The following SSH1 variants were observed in gnomAD, a reference collection of about 807,000 sequenced individuals.
The protein encoded by SSH1 is slingshot protein phosphatase 1.
In SSH1, 43 loss-of-function variants were observed where a neutral mutation model predicts 79.7. The observed-to-expected ratio is 0.54, with a 90% confidence interval of 0.42 to 0.70. The LOEUF is 0.70. SSH1 is among the 30% of genes least tolerant of loss of function. The pLI, the probability that SSH1 is intolerant of heterozygous loss-of-function variation, is 0.00. For synonymous variants in SSH1, 599 were observed against 538.3 expected (o/e 1.11, Z -1.56); for missense variants, 1,206 against 1,358.8 (o/e 0.89, Z 1.77).
At chr12:108,792,050 A>C in intron 14 of SSH1, 1 of 1,442,990 alleles carries the variant, frequency 6.9e-7, no homozygotes, top group East Asian at 2.5e-5. Flanking sequence ...TATTCCCAAC[A>C]GATTCTCAAT....
chr12:108,807,918 G>A lies in SSH1; in HGVS notation c.537-91C>T. On this transcript the variant is annotated intron_variant, in intron 7 of 14. Coordinates refer to ENST00000326495, the MANE Select transcript of SSH1 (RefSeq NM_018984.4). The surrounding 1 kb of genome is among the most constrained non-coding windows in gnomAD (Gnocchi z 5.2). ...ACAAAGGGGTTCAAATACGGGAAGG[G>A]AAGGGCAATGATTGATTGGTTGATT... 1 of 1,121,710 alleles carries A rather than the reference G, an allele frequency of 8.9e-7. No individual in the cohort carries two copies. Among genetic ancestry groups the A allele is most frequent in the African/African-American group, 1.5e-5 (1 of 65,298 alleles). 69.5% of individuals were successfully genotyped at this position (1,121,710 alleles called of 1,614,324 possible). A position where few individuals can be genotyped will look rare whatever the true frequency, so the allele number is the denominator to read the frequency against.
At position 108,837,130 on chromosome 12, in the gene SSH1, G is replaced by A. The variant is rs936343245; in HGVS notation, c.111-13769C>T. 13 of 338,498 alleles carry A rather than the reference G, an allele frequency of 3.8e-5. No individual in the cohort carries two copies. In the East Asian group the frequency reaches 8.1e-4, roughly 21 times the overall value. The allele number at this position is 338,498 out of a possible 1,614,324, so 21.0% of individuals were successfully genotyped here. A position where few individuals can be genotyped will look rare whatever the true frequency, so the allele number is the denominator to read the frequency against. On this transcript the variant is annotated intron_variant, in intron 2 of 14. Transcript: ENST00000326495. ...GCCCGTAATCCCAGCTACTTGGGGC[G>A]CTAAGGCACAAGAATCGCTTGAACC...
chr12:108,818,144 G>T, intron 4 of SSH1, 105 bp downstream of exon 4: 2 of 934,212 alleles, frequency 2.1e-6, no homozygotes, highest in African/African-American at 1.6e-5. Flanking sequence ...GCTGTAGTGA[G>T]CTAAGATCAT....
intron 1 of SSH1, chr12:108,853,128 G>A (rs2039078270): frequency 1.0e-6 from 1 of 985,362 alleles, no homozygotes; most frequent in Middle Eastern, 5.2e-4. Flanking sequence ...AACCAACCCA[G>A]GCAAGACTTG....
intron 7 of SSH1, among the ~76,000 whole-genome samples, chr12:108,808,562 G>A (rs1228747011): frequency 6.6e-6 from 1 of 152,158 alleles, no homozygotes; most frequent in Non-Finnish European, 1.5e-5. Context: ...GACCCACATT[G>A]AACCTAAGAC....
Position 108,807,516 on chromosome 12 carries a change from A to T in SSH1, c.731+117T>A. ...TCTGAGAAAGCTAGGGTTCTCACTC[A>T]AGGGACTCCAGGGGAGGTGTGGCCC... On this transcript the variant is annotated intron_variant, in intron 8 of 14. Transcript: ENST00000326495. This position sits in a 1 kb window ranked among gnomAD's most constrained non-coding sequence, Gnocchi z 5.2. The T allele has an allele frequency of 1.1e-6, 1 of 945,002 alleles. No homozygotes were observed. The highest frequency in any genetic ancestry group is 2.4e-5 in the East Asian group (1 of 41,104). 58.5% of individuals were successfully genotyped at this position (945,002 alleles called of 1,614,324 possible).
chr12:108,790,997 A>G (rs1565967771), intron 14 of SSH1, among the ~76,000 whole-genome samples: 1 of 152,254 alleles, frequency 6.6e-6, no homozygotes, highest in Non-Finnish European at 1.5e-5. Context: ...GTTGAAGCTC[A>G]AACCTTGTGG....
intron 1 of SSH1, among the ~76,000 whole-genome samples, chr12:108,856,499 A>G (rs1381776822): frequency 1.3e-5 from 2 of 152,212 alleles, no homozygotes; most frequent in African/African-American, 2.4e-5. Flanking sequence ...CCACACAGAA[A>G]GATAGATGCA....
At chr12:108,797,323 T>A (rs888931426) in intron 13 of SSH1, among the ~76,000 whole-genome samples, 3 of 150,276 alleles carry the variant, frequency 2.0e-5, no homozygotes, top group Non-Finnish European at 4.4e-5. Context: ...AGAGACAGGG[T>A]CTCAGCATGT....
intron 2 of SSH1, chr12:108,827,454 C>T (rs1389245674): frequency 7.7e-7 from 1 of 1,304,036 alleles, no homozygotes; most frequent in Non-Finnish European, 9.8e-7. Context: ...CGAGTGCTTC[C>T]ACGAGGGCTG....
intron 2 of SSH1, among the ~76,000 whole-genome samples, chr12:108,828,114 G>A (rs543306386): frequency 5.3e-5 from 8 of 152,302 alleles, no homozygotes; most frequent in African/African-American, 1.9e-4. Context: ...AGGAGAGAAT[G>A]GAATAAGTAC....
chr12:108,806,505 GAGCA>G, intron 8 of SSH1, 111 bp from the exon 9 acceptor site: 1 of 952,366 alleles, frequency 1.1e-6, no homozygotes, highest in Non-Finnish European at 1.7e-6. Context: ...TTGGCAAGGA[GAGCA>G]CGCTTCTTGG....
intron 13 of SSH1, among the ~76,000 whole-genome samples, chr12:108,798,556 GCTTGCCCTGA>G (rs11278247): frequency 0.22 from 33,336 of 152,030 alleles, 4,956 homozygotes; most frequent in African/African-American, 0.4. Context: ...AGACTGATGG[GCTTGCCCTGA>G]CTTGCCCTGC....
intron 2 of SSH1, among the ~76,000 whole-genome samples, chr12:108,829,375 A>G (rs964833158): frequency 2.0e-5 from 3 of 152,172 alleles, no homozygotes; most frequent in African/African-American, 4.8e-5. Flanking sequence ...CTGGGAATTC[A>G]TATTTCTGGG....
chr12:108,792,889 G>A (rs2136986315), intron 13 of SSH1, 60 bp from the exon 14 acceptor site: 1 of 1,606,292 alleles, frequency 6.2e-7, no homozygotes, highest in East Asian at 2.2e-5. Context: ...GGGGTGCTGG[G>A]AAGAGTATGC....
In SSH1 at chr12:108,817,111, C is replaced by T; in HGVS notation, c.328G>A (p.Val110Met). Residue 110 changes from valine to methionine, a missense_variant, in exon 5 of 15, where the codon GTG becomes ATG. Around this residue, in one of 5 missense-constraint regions of SSH1, gnomAD observed 115 missense variants for 173.9 expected, o/e 0.66. Coordinates refer to ENST00000326495, the MANE Select transcript of SSH1 (RefSeq NM_018984.4). Reference sequence around the variant, plus strand: ...TCCTGGCGCCCGCTGCTGTACACCACCACCATGTACCGGACCCGGTCCGCC... The same window carrying T: ...TCCTGGCGCCCGCTGCTGTACACCATCACCATGTACCGGACCCGGTCCGCC... ...AWADRVRYMVVVYSSGRQDTE... is the reference protein window; with the variant it reads ...AWADRVRYMVMVYSSGRQDTE... 1 of 1,614,258 alleles carries T rather than the reference C, an allele frequency of 6.2e-7. No individual in the cohort carries two copies. Among genetic ancestry groups the T allele is most frequent in the Non-Finnish European group, 8.5e-7 (1 of 1,180,042 alleles).
At chr12:108,840,611 C>T (rs1393839342) in intron 2 of SSH1, among the ~76,000 whole-genome samples, 1 of 152,132 alleles carries the variant, frequency 6.6e-6, no homozygotes, top group Non-Finnish European at 1.5e-5. Flanking sequence ...TTCTCATTTT[C>T]AGCCTTCCTT....
intron 2 of SSH1, among the ~76,000 whole-genome samples, chr12:108,844,687 C>G (rs1012749525): frequency 1.3e-5 from 2 of 152,230 alleles, no homozygotes; most frequent in Non-Finnish European, 2.9e-5. Flanking sequence ...CTTAATTAGG[C>G]TGTGCTGCAC....
intron 3 of SSH1, among the ~76,000 whole-genome samples, chr12:108,822,043 C>A (rs1425569877): frequency 6.6e-6 from 1 of 152,198 alleles, no homozygotes; most frequent in Non-Finnish European, 1.5e-5. Context: ...CACTTACATG[C>A]AAGCACTTTT....
Sources: allele counts gnomAD v4.1 joint callset (sites outside exome capture counted in the v4.1 genomes callset), GRCh38; gene constraint gnomAD v4.1.1; regional missense constraint gnomAD v4.1.1; non-coding constraint Gnocchi (gnomAD v3.1); transcripts MANE v1.5; gene names NCBI Gene and HGNC (gene_info 2026-07-23, HGNC 2026-07-21).